HOMEZ: variants seen among roughly 807,000 people sequenced by gnomAD.
The protein encoded by HOMEZ is homeobox and leucine zipper encoding, also known as homeobox and leucine zipper protein Homez.
Under a neutral mutation model 50.1 loss-of-function variants are expected in HOMEZ, and 20 were observed. The observed-to-expected ratio is 0.40, with a 90% CI of 0.28 to 0.58. The LOEUF is 0.58. HOMEZ is among the 20% of genes least tolerant of loss of function. The pLI is 0.46. For missense variants in HOMEZ, 579 were observed against 680.5 expected (o/e 0.85, Z 1.66); for synonymous variants, 239 against 254.7 (o/e 0.94, Z 0.59).
At position 23,275,348 on chromosome 14, in the gene HOMEZ, G is replaced by A. The variant is rs942069751; in HGVS notation, c.*227C>T. ...AGATCCTTAGCACTCCCTACCCTAA[G>A]GTTAGAGGGTTGGATTTCTGCTGAT... On this transcript the variant is annotated 3_prime_UTR_variant, in exon 2 of 2. Transcript: ENST00000357460. 8.7e-6 allele frequency: 5 copies of A among 572,770 alleles called. No homozygotes were observed. The African/African-American group carries it at 9.5e-5, about 11-fold the overall frequency. The allele number at this position is 572,770 out of a possible 1,614,324, so 35.5% of individuals were successfully genotyped here. A position where few individuals can be genotyped will look rare whatever the true frequency, so the allele number is the denominator to read the frequency against.
chr14:23,274,635 C>A lies in HOMEZ; in HGVS notation c.*940G>T, dbSNP rs182803244. 1 of 152,518 alleles carries A rather than the reference C, an allele frequency of 6.6e-6. No homozygotes were observed. Among genetic ancestry groups the A allele is most frequent in the Non-Finnish European group, 1.5e-5 (1 of 68,068 alleles). The allele number at this position is 152,518 out of a possible 1,614,324, so 9.4% of individuals were successfully genotyped here. ...CATAAGAACTGAAAATAGCCGGGCACGGTGGCTCATGCCTATAATCCCAGC... is the reference window on the plus strand; with the variant it reads ...CATAAGAACTGAAAATAGCCGGGCAAGGTGGCTCATGCCTATAATCCCAGC... On this transcript the variant is annotated 3_prime_UTR_variant, in exon 2 of 2. Transcript: ENST00000357460.
intron 1 of HOMEZ, among the ~76,000 whole-genome samples, chr14:23,281,309 C>A (rs1016252978): frequency 2.0e-5 from 3 of 152,130 alleles, no homozygotes; most frequent in Non-Finnish European, 2.9e-5. Context: ...AGCAATACTG[C>A]TTGAAGAGCC....
In HOMEZ at chr14:23,285,929, C is replaced by A. The variant is rs1354651747; in HGVS notation, c.24G>T (p.Pro8=). 2 of 1,246,576 alleles carry A rather than the reference C, an allele frequency of 1.6e-6. No individual in the cohort carries two copies. The highest frequency in any genetic ancestry group is 2.0e-6 in the Non-Finnish European group (2 of 987,306). 77.2% of individuals were successfully genotyped at this position (1,246,576 alleles called of 1,614,324 possible). A position where few individuals can be genotyped will look rare whatever the true frequency, so the allele number is the denominator to read the frequency against. MVRGWEP[P]PGLDCAISEG... is the part of the protein sequence containing the mutation. ...ATCACTCACCGCAGTCCAGCCCGGG[C>A]GGCGGCTCCCAGCCTCGCACCATGG... The change falls in exon 1 of 2, where the codon CCG becomes CCT. Residue 8 remains proline, a synonymous_variant. Transcript: ENST00000357460.
chr14:23,276,213 A>G lies in HOMEZ; in HGVS notation c.1015T>C (p.Ser339Pro). Reference protein sequence around the residue: ...PAWPQGLRHNSVPGRVGPTEY... With the variant: ...PAWPQGLRHNPVPGRVGPTEY... The stretch of plus-strand genomic sequence containing the variant: ...GTGGGGCCAACTCTACCTGGTACTG[A>G]GTTATGCCGTAGCCCTTGGGGCCAG... Residue 339 changes from serine (S) to proline (P), a missense_variant, in exon 2 of 2, where the codon TCA becomes CCA. Coordinates refer to ENST00000357460, the MANE Select transcript of HOMEZ (RefSeq NM_020834.3). The surrounding 1 kb of genome is among the most constrained non-coding windows in gnomAD (Gnocchi z 4.1). 2 of 1,613,802 alleles carry G rather than the reference A, an allele frequency of 1.2e-6. No individual in the cohort carries two copies. The highest frequency in any genetic ancestry group is 1.7e-6 in the Non-Finnish European group (2 of 1,179,860).
chr14:23,274,106 CTTTTA>C lies in HOMEZ; in HGVS notation c.*1464_*1468del, dbSNP rs1016211951. On this transcript the variant is annotated 3_prime_UTR_variant, in exon 2 of 2. Coordinates refer to ENST00000357460, the MANE Select transcript of HOMEZ (RefSeq NM_020834.3). Reference sequence around the variant, plus strand: ...ATTCTAGCATTTTAGGGCTTCCACTCTTTTATTTTTAGATGGTTAACTCATTGATG... The same window carrying C: ...ATTCTAGCATTTTAGGGCTTCCACTCTTTTTAGATGGTTAACTCATTGATG... 2 of 152,580 alleles carry C rather than the reference CTTTTA, an allele frequency of 1.3e-5. No homozygotes were observed. Among genetic ancestry groups the C allele is most frequent in the African/African-American group, 4.8e-5 (2 of 41,416 alleles). 9.5% of individuals were successfully genotyped at this position (152,580 alleles called of 1,614,324 possible). A position where few individuals can be genotyped will look rare whatever the true frequency, so the allele number is the denominator to read the frequency against.
At chr14:23,278,921 C>G (rs1019423994) in intron 1 of HOMEZ, among the ~76,000 whole-genome samples, 1 of 152,156 alleles carries the variant, frequency 6.6e-6, no homozygotes, top group Non-Finnish European at 1.5e-5. Flanking sequence ...AGTGATCCAC[C>G]GGCCTCGGCC....
At chr14:23,281,445 C>G (rs888939186) in intron 1 of HOMEZ, among the ~76,000 whole-genome samples, 13 of 152,260 alleles carry the variant, frequency 8.5e-5, no homozygotes, top group Non-Finnish European at 1.5e-4. Context: ...AGGCAAGTTA[C>G]TTAACTTACA....
At position 23,275,851 on chromosome 14, in the gene HOMEZ, G is replaced by T. The variant is rs761360300; in HGVS notation, c.1377C>A (p.Pro459=). 4 of 1,599,134 alleles carry T rather than the reference G, an allele frequency of 2.5e-6. 1 individual carries two copies. In the South Asian group the frequency reaches 4.5e-5, roughly 18 times the overall value. The change falls in exon 2 of 2, where the codon CCC becomes CCA. Residue 459 remains proline, a synonymous_variant. Coordinates refer to ENST00000357460, the MANE Select transcript of HOMEZ (RefSeq NM_020834.3). ...TCTCCAAGGGTTGTATATCCGGTGGGGGTGGAGGGATCGGCAGAGGTGGTG... is the reference window on the plus strand; with the variant it reads ...TCTCCAAGGGTTGTATATCCGGTGGTGGTGGAGGGATCGGCAGAGGTGGTG... The part of the protein sequence containing the change: ...AETPPLPIPP[P]PPDIQPLERY...
intron 1 of HOMEZ, among the ~76,000 whole-genome samples, chr14:23,279,453 G>A (rs1434764704): frequency 6.6e-6 from 1 of 152,122 alleles, no homozygotes; most frequent in Non-Finnish European, 1.5e-5. Context: ...GAGAGTGACC[G>A]GGTGAGTGGT....
In HOMEZ at chr14:23,286,067, C is replaced by CT; in HGVS notation, c.-116_-115insA. On this transcript the variant is annotated 5_prime_UTR_variant, in exon 1 of 2. Coordinates refer to ENST00000357460, the MANE Select transcript of HOMEZ (RefSeq NM_020834.3). Reference sequence around the variant, plus strand: ...GATGGCCGAAACCGGGACTGCCCCCCCCACCGTCCCCGGGAGCGCGCCGGT... The same window carrying CT: ...GATGGCCGAAACCGGGACTGCCCCCCTCCACCGTCCCCGGGAGCGCGCCGGT... 1 of 1,231,066 alleles carries CT rather than the reference C, an allele frequency of 8.1e-7. No homozygotes were observed. Among genetic ancestry groups the CT allele is most frequent in the Non-Finnish European group, 1.0e-6 (1 of 987,352 alleles). The allele number at this position is 1,231,066 out of a possible 1,614,324, so 76.3% of individuals were successfully genotyped here.
chr14:23,284,945 T>C (rs1238976932), intron 1 of HOMEZ: 2 of 152,182 alleles, frequency 1.3e-5, no homozygotes, highest in South Asian at 4.1e-4. Context: ...TCAGGTTCAA[T>C]AGTCTGTACT....
chr14:23,285,921 A>G lies in HOMEZ; in HGVS notation c.32T>C (p.Leu11Pro). Residue 11 changes from leucine (L) to proline (P), a missense_variant, in exon 1 of 2, where the codon CTG (leucine) becomes CCG (proline). Coordinates refer to ENST00000357460, the MANE Select transcript of HOMEZ (RefSeq NM_020834.3). ...GGCTGGGGATCACTCACCGCAGTCC[A>G]GCCCGGGCGGCGGCTCCCAGCCTCG... Reference protein sequence around the residue: MVRGWEPPPGLDCAISEGHKS... With the variant: MVRGWEPPPGPDCAISEGHKS... 2.4e-6 allele frequency: 3 copies of G among 1,247,066 alleles called. No individual in the cohort carries two copies. Among genetic ancestry groups the G allele is most frequent in the Non-Finnish European group, 3.0e-6 (3 of 987,292 alleles). 77.3% of individuals were successfully genotyped at this position (1,247,066 alleles called of 1,614,324 possible). A position where few individuals can be genotyped will look rare whatever the true frequency, so the allele number is the denominator to read the frequency against.
chr14:23,282,840 T>C (rs1251338076), intron 1 of HOMEZ, among the ~76,000 whole-genome samples: 1 of 152,242 alleles, frequency 6.6e-6, no homozygotes. Flanking sequence ...GTGTACTATA[T>C]GCATTCAGTT....
chr14:23,275,044 T>C lies in HOMEZ; in HGVS notation c.*531A>G, dbSNP rs1886310585. On this transcript the variant is annotated 3_prime_UTR_variant, in exon 2 of 2. Transcript: ENST00000357460. ...TGGGACTTATTGAGAATCTTGGTTG[T>C]CTAGGAAATGATCAGTTACTAAGAA... The C allele has an allele frequency of 6.5e-6, 1 of 152,768 alleles. No individual in the cohort carries two copies. The highest frequency in any genetic ancestry group is 2.1e-4 in the South Asian group (1 of 4,850). 9.5% of individuals were successfully genotyped at this position (152,768 alleles called of 1,614,324 possible).
intron 1 of HOMEZ, 103 bp from the exon 2 acceptor site, chr14:23,277,290 T>C: frequency 9.1e-7 from 1 of 1,104,040 alleles, no homozygotes; most frequent in Non-Finnish European, 1.3e-6. Flanking sequence ...ATTTAATCTG[T>C]ATTTGTATCA....
chr14:23,277,285 A>G (rs1168904339), intron 1 of HOMEZ, 98 bp from the exon 2 acceptor site: 3 of 1,142,052 alleles, frequency 2.6e-6, no homozygotes, highest in Admixed American at 2.9e-5. Flanking sequence ...GAACAATTTA[A>G]TCTGTATTTG....
chr14:23,275,486 G>A lies in HOMEZ; in HGVS notation c.*89C>T. The A allele has an allele frequency of 1.4e-6, 2 of 1,453,256 alleles. No individual in the cohort carries two copies. Among genetic ancestry groups the A allele is most frequent in the East Asian group, 2.5e-5 (1 of 40,174 alleles). The allele number at this position is 1,453,256 out of a possible 1,614,324, so 90.0% of individuals were successfully genotyped here. ...AAGCTTTTTAGTTCTCTGCCACAAG[G>A]TAATTTTAAAAATGTGGTTTCTTTG... On this transcript the variant is annotated 3_prime_UTR_variant, in exon 2 of 2. Transcript: ENST00000357460.
At chr14:23,281,362 A>C (rs1448217307) in intron 1 of HOMEZ, among the ~76,000 whole-genome samples, 1 of 152,172 alleles carries the variant, frequency 6.6e-6, no homozygotes, top group African/African-American at 2.4e-5. Flanking sequence ...GACGGGTAGA[A>C]ATATGAATTC....
At chr14:23,279,967 G>A (rs555326605) in intron 1 of HOMEZ, among the ~76,000 whole-genome samples, 20 of 152,222 alleles carry the variant, frequency 1.3e-4, no homozygotes, top group African/African-American at 4.8e-4. Flanking sequence ...CTCTTTGGCT[G>A]CTAACAATTT....
Sources: gnomAD v4.1 joint callset for allele counts (sites outside exome capture counted in the v4.1 genomes callset) on GRCh38, gnomAD v4.1.1 for gene constraint, Gnocchi (gnomAD v3.1) non-coding constraint, MANE v1.5 for transcripts, NCBI Gene and HGNC (gene_info 2026-07-23, HGNC 2026-07-21) for gene names.